PDE8B: variants seen among roughly 807,000 people sequenced by gnomAD.
PDE8B encodes high affinity cAMP-specific and IBMX-insensitive 3',5'-cyclic phosphodiesterase 8B.
In PDE8B, 26 loss-of-function variants were observed where a neutral mutation model predicts 101.3. The ratio of observed to expected loss-of-function variants is 0.26; its 90% CI spans 0.19 to 0.36. PDE8B has a LOEUF of 0.36. Among genes scored for constraint, PDE8B ranks in the 10% least tolerant of loss-of-function variants. The pLI, the probability that PDE8B is intolerant of heterozygous loss-of-function variation, is 1.00. For synonymous variants in PDE8B, 424 were observed against 429.3 expected, an observed-to-expected ratio of 0.99 and a Z score of 0.15; for missense variants, 810 against 1,163.1, an observed-to-expected ratio of 0.70 and a Z score of 4.42.
At chr5:77,380,616 C>T (rs781709147) in intron 10 of PDE8B, among the ~76,000 whole-genome samples, 9 of 152,214 alleles carry the variant, frequency 5.9e-5, no homozygotes, top group Non-Finnish European at 1.3e-4. Flanking sequence ...GGCAAACAGC[C>T]TGGTCAATCT....
intron 1 of PDE8B, among the ~76,000 whole-genome samples, chr5:77,223,014 G>A (rs1751515651): frequency 6.6e-6 from 1 of 152,184 alleles, no homozygotes; most frequent in Non-Finnish European, 1.5e-5. Flanking sequence ...GCTTTGGGTT[G>A]AAGCTCTAAA....
intron 10 of PDE8B, among the ~76,000 whole-genome samples, chr5:77,358,605 A>G (rs1581224702): frequency 6.6e-6 from 1 of 152,258 alleles, no homozygotes. Flanking sequence ...TTAAAGATGC[A>G]ACTTCTGTCT....
chr5:77,188,505 A>T, the PDE8B span, among the ~76,000 whole-genome samples: 1 of 152,158 alleles, frequency 6.6e-6, no homozygotes, highest in African/African-American at 2.4e-5. Flanking sequence ...TTGGATCTTT[A>T]AATACGGCAT....
rs1796696587 is a variant in PDE8B, at chr5:77,421,744, C to T, written c.2251-77C>T. 4.7e-5 allele frequency: 67 copies of T among 1,410,662 alleles called. No homozygotes were observed. In the South Asian group the frequency reaches 7.8e-4, roughly 16 times the overall value. 87.4% of individuals were successfully genotyped at this position (1,410,662 alleles called of 1,614,324 possible). On this transcript the variant is annotated intron_variant, in intron 19 of 21. Coordinates refer to ENST00000264917, the MANE Select transcript of PDE8B (RefSeq NM_003719.5). ...TACCTGTGTGCTCGGTGATCACCAT[C>T]GAATGCCTGGCGAATTAACCCTTGT...
chr5:77,230,290 T>C (rs1348348758), intron 1 of PDE8B, among the ~76,000 whole-genome samples: 1 of 152,158 alleles, frequency 6.6e-6, no homozygotes, highest in African/African-American at 2.4e-5. Context: ...AAAAACTATA[T>C]TGGTATTCCT....
rs1028877124 is a variant in PDE8B, at chr5:77,290,677, G to A, written c.340-21317G>A. The A allele has an allele frequency of 2.6e-5, 39 of 1,506,460 alleles. No homozygotes were observed. In the African/African-American group the frequency reaches 3.4e-4, roughly 13 times the overall value. 93.3% of individuals were successfully genotyped at this position (1,506,460 alleles called of 1,614,324 possible). A position where few individuals can be genotyped will look rare whatever the true frequency, so the allele number is the denominator to read the frequency against. ...GCTGTTGGTTTATCAAGGATGATTG[G>A]AGGACCTATCTTGCCTTCTGAAAGA... On this transcript the variant is annotated intron_variant, in intron 1 of 21. Transcript: ENST00000264917.
At chr5:77,157,853 G>A in the PDE8B span, among the ~76,000 whole-genome samples, 1 of 152,124 alleles carries the variant, frequency 6.6e-6, no homozygotes, top group East Asian at 1.9e-4. Context: ...GTCCTCCCAC[G>A]GGTGCTCTGG....
At chr5:77,113,896 A>G in the PDE8B span, 2 of 152,282 alleles carry the variant, frequency 1.3e-5, no homozygotes, top group African/African-American at 4.8e-5. Flanking sequence ...TTATGCAGCC[A>G]ACAGACACAT....
chr5:77,345,664 C>A (rs1041298561), intron 7 of PDE8B, among the ~76,000 whole-genome samples: 1 of 152,198 alleles, frequency 6.6e-6, no homozygotes, highest in Non-Finnish European at 1.5e-5. Context: ...AGCAGAGAAA[C>A]CTTTCAAGAA....
chr5:77,115,972 T>C, the PDE8B span, among the ~76,000 whole-genome samples: 1 of 152,076 alleles, frequency 6.6e-6, no homozygotes, highest in South Asian at 2.1e-4. Flanking sequence ...CATGCTTTTA[T>C]TTTACTGTAA....
At chr5:77,158,038 C>G in the PDE8B span, among the ~76,000 whole-genome samples, 2 of 152,330 alleles carry the variant, frequency 1.3e-5, no homozygotes, top group East Asian at 3.9e-4. Context: ...AAGGGGCTAC[C>G]TTTATCCTCA....
At chr5:77,238,798 A>G (rs1316031718) in intron 1 of PDE8B, among the ~76,000 whole-genome samples, 1 of 152,338 alleles carries the variant, frequency 6.6e-6, no homozygotes, top group South Asian at 2.1e-4. Flanking sequence ...CAAAGGCCAG[A>G]GAACCAGGAG....
chr5:77,287,333 TC>T (rs986141426), intron 1 of PDE8B, among the ~76,000 whole-genome samples: 1 of 152,130 alleles, frequency 6.6e-6, no homozygotes, highest in African/African-American at 2.4e-5. Flanking sequence ...TTTCATTGTG[TC>T]CCACCTCCCA....
rs1382213388 is a variant in PDE8B, at chr5:77,425,905, G to A, written c.2548+9G>A. The A allele has an allele frequency of 3.1e-6, 5 of 1,612,790 alleles. No homozygotes were observed. In the African/African-American group the frequency reaches 6.7e-5, roughly 22 times the overall value. Reference sequence around the variant, plus strand: ...GTTTGATGCTTGGGATGGTAAGACAGTTACTGTTTTGTCACCCAAAGAAAA... The same window carrying A: ...GTTTGATGCTTGGGATGGTAAGACAATTACTGTTTTGTCACCCAAAGAAAA... On this transcript the variant is annotated intron_variant, in intron 21 of 21. Transcript: ENST00000264917.
chr5:77,370,784 G>A (rs989865878), intron 10 of PDE8B, among the ~76,000 whole-genome samples: 4 of 152,230 alleles, frequency 2.6e-5, no homozygotes, highest in Admixed American at 2.6e-4. Context: ...AACAATGTAT[G>A]AGGGATTCAG....
the PDE8B span, among the ~76,000 whole-genome samples, chr5:77,096,883 C>T: frequency 6.6e-6 from 1 of 152,170 alleles, no homozygotes; most frequent in Admixed American, 6.5e-5. Flanking sequence ...CATCTGCAAA[C>T]ACCTTATTTC....
the PDE8B span, chr5:77,134,482 A>G: frequency 6.6e-6 from 1 of 152,348 alleles, no homozygotes; most frequent in East Asian, 1.9e-4. Context: ...CAAGTGTCCC[A>G]TTGAACTATA....
chr5:77,404,190 G>A (rs1047650124), intron 11 of PDE8B, among the ~76,000 whole-genome samples: 1 of 152,128 alleles, frequency 6.6e-6, no homozygotes. Flanking sequence ...GTTTCACCAT[G>A]TTGGTCAGGG....
intron 1 of PDE8B, among the ~76,000 whole-genome samples, chr5:77,254,666 TTGAAA>T (rs1406455580): frequency 8.5e-5 from 13 of 152,226 alleles, no homozygotes; most frequent in Admixed American, 8.5e-4. Flanking sequence ...GAACATTAAC[TTGAAA>T]TGAAAAGAAT....
Sources: gnomAD v4.1 joint callset for allele counts (sites outside exome capture counted in the v4.1 genomes callset) on GRCh38, gnomAD v4.1.1 for gene constraint, MANE v1.5 for transcripts, NCBI Gene and HGNC (gene_info 2026-07-23, HGNC 2026-07-21) for gene names.